PHF20: variants seen among roughly 807,000 people sequenced by gnomAD.
PHF20 encodes the protein PHD finger protein 20.
A neutral mutation model predicts 113.5 loss-of-function variants in PHF20; 23 were observed. The ratio of observed to expected loss-of-function variants is 0.20; its 90% CI spans 0.15 to 0.29. The LOEUF is 0.29. Ranked by LOEUF, PHF20 falls within the 10% of genes least tolerant of loss-of-function variation. The pLI, the probability that PHF20 is intolerant of heterozygous loss-of-function variation, is 1.00. For synonymous variants in PHF20, 434 were observed against 457.3 expected (o/e 0.95, Z 0.65); for missense variants, 943 against 1,219.6 (o/e 0.77, Z 3.38).
intron 9 of PHF20, among the ~76,000 whole-genome samples, chr20:35,872,686 A>T (rs2054443972): frequency 6.6e-6 from 1 of 152,146 alleles, no homozygotes; most frequent in Admixed American, 6.5e-5. Context: ...TTCAGTTTGA[A>T]GTATTTTATG....
chr20:35,926,108 T>C (rs35760470), intron 13 of PHF20, among the ~76,000 whole-genome samples: 32,973 of 124,196 alleles, frequency 0.27, 5,171 homozygotes, highest in African/African-American at 0.46. Context: ...GGTGACAGAG[T>C]GAGACTCCAT....
chr20:35,922,311 G>C (rs1407981544), intron 13 of PHF20, among the ~76,000 whole-genome samples: 1 of 152,140 alleles, frequency 6.6e-6, no homozygotes, highest in African/African-American at 2.4e-5. Flanking sequence ...TTATCAAAAG[G>C]CATAAGTTTA....
Position 35,914,211 on chromosome 20 carries a change from T to A in PHF20, c.1825+14T>A, listed in dbSNP as rs745387858. On this transcript the variant is annotated intron_variant, in intron 12 of 17. Coordinates refer to ENST00000374012, the MANE Select transcript of PHF20 (RefSeq NM_016436.5). ...TGAAAGCATTGGGTAAGGAGGCTCT[T>A]CTGTCCTGATCATTTGCTGATCATT... 6.2e-7 allele frequency: 1 copy of A among 1,606,128 alleles called. No homozygotes were observed. Among genetic ancestry groups the A allele is most frequent in the Non-Finnish European group, 8.5e-7 (1 of 1,173,950 alleles).
At chr20:35,935,407 C>T (rs2055844848) in intron 15 of PHF20, among the ~76,000 whole-genome samples, 1 of 152,206 alleles carries the variant, frequency 6.6e-6, no homozygotes, top group African/African-American at 2.4e-5. Flanking sequence ...CACTCTGTCA[C>T]CCAGGCTGGA....
intron 2 of PHF20, among the ~76,000 whole-genome samples, chr20:35,837,526 C>G (rs1363870077): frequency 6.6e-6 from 1 of 152,216 alleles, no homozygotes; most frequent in Non-Finnish European, 1.5e-5. Flanking sequence ...CTTTTGTTAA[C>G]TCTGTCTCAT....
chr20:35,808,538 G>C (rs943030229), intron 2 of PHF20, among the ~76,000 whole-genome samples: 3 of 151,658 alleles, frequency 2.0e-5, no homozygotes, highest in African/African-American at 7.3e-5. Context: ...AACTGGCCAT[G>C]CGTATTTTCC....
intron 4 of PHF20, among the ~76,000 whole-genome samples, chr20:35,856,830 A>G (rs1003366519): frequency 6.6e-6 from 1 of 152,224 alleles, no homozygotes; most frequent in African/African-American, 2.4e-5. Context: ...TGGCAGTTTC[A>G]GTGGGTAGCT....
intron 9 of PHF20, among the ~76,000 whole-genome samples, chr20:35,893,379 T>C (rs2054914110): frequency 6.6e-6 from 1 of 152,012 alleles, no homozygotes; most frequent in African/African-American, 2.4e-5. Flanking sequence ...TCTTGGCTCA[T>C]TGCAACCTCC....
intron 1 of PHF20, among the ~76,000 whole-genome samples, chr20:35,773,982 G>T (rs1220166216): frequency 6.6e-6 from 1 of 151,956 alleles, no homozygotes; most frequent in Non-Finnish European, 1.5e-5. Flanking sequence ...ATGAAGAAAA[G>T]ATGTCGTTTG....
intron 12 of PHF20, among the ~76,000 whole-genome samples, chr20:35,914,786 A>G (rs183685262): frequency 6.6e-6 from 1 of 152,034 alleles, no homozygotes; most frequent in Non-Finnish European, 1.5e-5. Flanking sequence ...CAACATGGTG[A>G]AACCCATCTC....
chr20:35,813,222 G>A (rs2042008732), intron 2 of PHF20, among the ~76,000 whole-genome samples: 2 of 151,992 alleles, frequency 1.3e-5, no homozygotes, highest in South Asian at 4.1e-4. Flanking sequence ...TGCCCATCTC[G>A]GCCTCCCAAA....
At chr20:35,846,340 G>A (rs1298425389) in intron 3 of PHF20, among the ~76,000 whole-genome samples, 1 of 151,812 alleles carries the variant, frequency 6.6e-6, no homozygotes, top group Non-Finnish European at 1.5e-5. Context: ...CACCACACAG[G>A]CTAATTTTTG....
intron 1 of PHF20, among the ~76,000 whole-genome samples, chr20:35,800,725 G>A (rs2146863102): frequency 6.6e-6 from 1 of 152,088 alleles, no homozygotes. Context: ...GAGCTGAGAT[G>A]GCACCACTGC....
rs556239412 is a variant in PHF20, at chr20:35,897,962, G to A, written c.1283-1408G>A. Among the ~76,000 whole-genome samples, 11 of 151,620 alleles carry A rather than the reference G, an allele frequency of 7.3e-5. No individual in the cohort carries two copies. The East Asian group carries it at 2.1e-3, about 29-fold the overall frequency. Reference sequence around the variant, plus strand: ...GTGATCTTGGCTCACTGCAACCTCCGCCTCCCAGGTTCAAGCGATTCTTCT... The same window carrying A: ...GTGATCTTGGCTCACTGCAACCTCCACCTCCCAGGTTCAAGCGATTCTTCT... On this transcript the variant is annotated intron_variant, in intron 9 of 17. Transcript: ENST00000374012.
chr20:35,782,546 A>G (rs573408220), intron 1 of PHF20: 10 of 152,264 alleles, frequency 6.6e-5, no homozygotes, highest in Admixed American at 6.5e-4. Context: ...CGGCCTCCCA[A>G]AGTGCTAGGA....
At chr20:35,899,249 T>G (rs377679435) in intron 9 of PHF20, 121 bp from the exon 10 acceptor site, 104 of 748,764 alleles carry the variant, frequency 1.4e-4, no homozygotes, top group East Asian at 1.4e-3. Context: ...AATGGCAGTC[T>G]GATGTCTCAG....
chr20:35,856,091 G>A (rs983744034), intron 4 of PHF20, among the ~76,000 whole-genome samples: 6 of 151,206 alleles, frequency 4.0e-5, no homozygotes, highest in Non-Finnish European at 7.4e-5. Flanking sequence ...CCATCGACAC[G>A]TTCCCCCACC....
At chr20:35,921,873 T>C (rs2055523873) in intron 13 of PHF20, among the ~76,000 whole-genome samples, 1 of 152,152 alleles carries the variant, frequency 6.6e-6, no homozygotes, top group Non-Finnish European at 1.5e-5. Context: ...TTTATCTGCC[T>C]GTTAAAATCT....
At chr20:35,774,563 GA>G (rs2041135085) in intron 1 of PHF20, 1 of 152,234 alleles carries the variant, frequency 6.6e-6, no homozygotes, top group Non-Finnish European at 1.5e-5. Context: ...AGTGCTTGGG[GA>G]TAATGATACC....
Sources: gnomAD v4.1 joint callset for allele counts (sites outside exome capture counted in the v4.1 genomes callset) on GRCh38, gnomAD v4.1.1 for gene constraint, MANE v1.5 for transcripts, NCBI Gene and HGNC (gene_info 2026-07-23, HGNC 2026-07-21) for gene names.